Variants in ZNF75D observed in about 807,000 individuals in gnomAD.
ZNF75D encodes zinc finger protein 75.
In ZNF75D, 33 loss-of-function variants were observed where a neutral mutation model predicts 33.3. That is an observed-to-expected ratio of 0.99 (90% confidence interval 0.75 to 1.32). ZNF75D has a LOEUF of 1.32. ZNF75D is among the 40% of genes most tolerant of loss of function. The pLI is 0.00. For synonymous variants in ZNF75D, 113 were observed against 130.6 expected (o/e 0.87, Z 0.92); for missense variants, 338 against 367.5 (o/e 0.92, Z 0.66).
intron 1 of ZNF75D, among the ~76,000 whole-genome samples, chrX:135,333,946 C>T (rs782223114): frequency 8.9e-6 from 1 of 111,838 alleles, no homozygotes; most frequent in Non-Finnish European, 1.9e-5. Flanking sequence ...ATCTTTTCAT[C>T]GCTATGAAGC....
chrX:135,329,857 C>G (rs1340420218), intron 1 of ZNF75D, among the ~76,000 whole-genome samples: 2 of 111,720 alleles, frequency 1.8e-5, no homozygotes, highest in East Asian at 2.8e-4. Flanking sequence ...TTATATGTTT[C>G]CTGTTTGACA....
chrX:135,291,565 TGTGG>T lies in ZNF75D; in HGVS notation c.605-6_605-3del. The T allele has an allele frequency of 8.3e-7, 1 of 1,207,188 alleles. No individual in the cohort carries two copies. The highest frequency in any genetic ancestry group is 1.1e-6 in the Non-Finnish European group (1 of 892,988). ...CTAACATCTGTTGATCATGCACAGC[TGTGG>T]GTAGAAAATAGCCAGGGAAAATTTC... is the stretch of plus-strand genomic sequence containing the variant. On this transcript the variant is annotated splice_polypyrimidine_tract_variant and splice_region_variant and intron_variant, in intron 4 of 6. Coordinates refer to ENST00000370766, the MANE Select transcript of ZNF75D (RefSeq NM_007131.5).
chrX:135,321,845 C>T (rs868950202), intron 1 of ZNF75D, among the ~76,000 whole-genome samples: 12 of 111,890 alleles, frequency 1.1e-4, no homozygotes, highest in Non-Finnish European at 1.1e-4. Flanking sequence ...TGCATAACTT[C>T]GGTAATAGAT....
chrX:135,268,642 GAAT>G (rs1556416572), intron 1 of ZNF75D, among the ~76,000 whole-genome samples: 2 of 110,510 alleles, frequency 1.8e-5, no homozygotes, highest in Non-Finnish European at 3.8e-5. Context: ...TGGATTGGAA[GAAT>G]AATATCATTA....
At chrX:135,333,233 A>G (rs782235196) in intron 1 of ZNF75D, among the ~76,000 whole-genome samples, 1 of 111,478 alleles carries the variant, frequency 9.0e-6, no homozygotes, top group African/African-American at 3.3e-5. Context: ...TCAGGACCGG[A>G]GGCTGATTGG....
chrX:135,311,856 G>A (rs782318833), intron 1 of ZNF75D, among the ~76,000 whole-genome samples: 5 of 111,573 alleles, frequency 4.5e-5, no homozygotes, highest in African/African-American at 1.6e-4. Flanking sequence ...TCAGGACATG[G>A]CTTGATTTTT....
intron 1 of ZNF75D, among the ~76,000 whole-genome samples, chrX:135,301,927 C>G (rs1468934892): frequency 8.9e-6 from 1 of 112,295 alleles, no homozygotes; most frequent in East Asian, 2.8e-4. Flanking sequence ...CCTGGATATC[C>G]AGGTATTTCC....
At chrX:135,258,048 T>C (rs1390730193) in intron 1 of ZNF75D, among the ~76,000 whole-genome samples, 6 of 108,562 alleles carry the variant, frequency 5.5e-5, no homozygotes, top group East Asian at 2.8e-4. Context: ...CACCTATGAG[T>C]GAGAACATGC....
chrX:135,324,919 T>C (rs1250676284), intron 1 of ZNF75D, among the ~76,000 whole-genome samples: 2 of 111,142 alleles, frequency 1.8e-5, no homozygotes, highest in African/African-American at 6.5e-5. Flanking sequence ...AGCAATTCCA[T>C]AGCCAAGGAC....
At chrX:135,270,392 T>TATATATATATATAC (rs1211997989) in intron 1 of ZNF75D, among the ~76,000 whole-genome samples, 1 of 85,159 alleles carries the variant, frequency 1.2e-5, no homozygotes, top group Non-Finnish European at 2.3e-5. Flanking sequence ...TATATATATA[T>TATATATATATATAC]ACACATATTT....
intron 1 of ZNF75D, among the ~76,000 whole-genome samples, chrX:135,299,805 T>C (rs1556424112): frequency 8.9e-6 from 1 of 112,580 alleles, no homozygotes; most frequent in Non-Finnish European, 1.9e-5. Context: ...TGATCTAAGA[T>C]AGAGGTACAA....
chrX:135,266,033 T>C (rs1209231122), intron 1 of ZNF75D, among the ~76,000 whole-genome samples: 1 of 112,076 alleles, frequency 8.9e-6, no homozygotes, highest in Non-Finnish European at 1.9e-5. Context: ...GTTTATGCAA[T>C]CAGTATTAAG....
At chrX:135,307,174 T>C (rs1556425933) in intron 1 of ZNF75D, among the ~76,000 whole-genome samples, 1 of 111,940 alleles carries the variant, frequency 8.9e-6, no homozygotes, top group Non-Finnish European at 1.9e-5. Context: ...TACCAATAAG[T>C]TCTCTTCCCA....
chrX:135,262,429 C>T (rs2083846389), intron 1 of ZNF75D, among the ~76,000 whole-genome samples: 1 of 112,332 alleles, frequency 8.9e-6, no homozygotes, highest in Admixed American at 9.4e-5. Context: ...TTCAGGTACA[C>T]CTATCAAACG....
chrX:135,342,165 G>A lies in ZNF75D; in HGVS notation c.-788C>T, dbSNP rs2084792264. 1 of 112,057 alleles carries A rather than the reference G, an allele frequency of 8.9e-6. No individual in the cohort carries two copies. Among genetic ancestry groups the A allele is most frequent in the South Asian group, 3.7e-4 (1 of 2,700 alleles). 9.2% of individuals were successfully genotyped at this position (112,057 alleles called of 1,213,427 possible). A position where few individuals can be genotyped will look rare whatever the true frequency, so the allele number is the denominator to read the frequency against. On this transcript the variant is annotated 5_prime_UTR_variant, in exon 1 of 7. Coordinates refer to ENST00000370766, the MANE Select transcript of ZNF75D (RefSeq NM_007131.5). ...GCTAATTAGACCTAGTGAACAAGAA[G>A]TAGCAACTACTCTACACTTCAGGGC...
At chrX:135,310,115 C>T (rs1424752648) in intron 1 of ZNF75D, among the ~76,000 whole-genome samples, 4 of 111,951 alleles carry the variant, frequency 3.6e-5, no homozygotes, top group African/African-American at 6.5e-5. Context: ...ACAGCTGGGC[C>T]GGGGGTTTGG....
rs781829087 is a variant in ZNF75D at position 135,294,133 on chromosome X, A to G, written c.8T>C (p.Met3Thr). The change falls in exon 3 of 7, where the codon ATG (methionine) becomes ACG (threonine). Residue 3 changes from methionine (M) to threonine (T), a missense_variant. This residue lies in a region of ZNF75D where 254 missense variants were observed against 267.7 expected (regional missense o/e 0.95). Transcript: ENST00000370766. ...GCATGAATCCGCGTTCAGCTCTCTCATCGCCATTTGCTCTAGGAACAGTTT... is the reference window on the plus strand; with the variant it reads ...GCATGAATCCGCGTTCAGCTCTCTCGTCGCCATTTGCTCTAGGAACAGTTT... MAMRELNADSCSS... is the reference protein window; with the variant it reads MATRELNADSCSS... 2 of 1,187,712 alleles carry G rather than the reference A, an allele frequency of 1.7e-6. No homozygotes were observed. The highest frequency in any genetic ancestry group is 2.4e-5 in the Admixed American group (1 of 42,356).
At chrX:135,258,010 T>G (rs192183502) in intron 1 of ZNF75D, among the ~76,000 whole-genome samples, 70 of 108,784 alleles carry the variant, frequency 6.4e-4, no homozygotes, top group Non-Finnish European at 1.2e-3. Context: ...CCCTGCCCTG[T>G]GTCCAAGTGA....
chrX:135,260,298 G>A (rs2083833564), intron 1 of ZNF75D, among the ~76,000 whole-genome samples: 1 of 112,085 alleles, frequency 8.9e-6, no homozygotes, highest in Admixed American at 9.5e-5. Flanking sequence ...TCAGGGTGAT[G>A]TTGGCCTCAT....
Sources: allele counts gnomAD v4.1 joint callset (sites outside exome capture counted in the v4.1 genomes callset), GRCh38; gene constraint gnomAD v4.1.1; regional missense constraint gnomAD v4.1.1; transcripts MANE v1.5; gene names NCBI Gene and HGNC (gene_info 2026-07-23, HGNC 2026-07-21).